The following GABRB1 variants were observed in gnomAD, a reference collection of about 807,000 sequenced individuals.
GABRB1 encodes the protein gamma-aminobutyric acid type A receptor subunit beta1.
Under a neutral mutation model 51.6 loss-of-function variants are expected in GABRB1, and 17 were observed. The ratio of observed to expected loss-of-function variants is 0.33; its 90% CI spans 0.23 to 0.49. GABRB1 has a LOEUF of 0.49. Ranked by LOEUF, GABRB1 falls within the 20% of genes least tolerant of loss-of-function variation. The pLI, the probability that GABRB1 is intolerant of heterozygous loss-of-function variation, is 0.99. For missense variants in GABRB1, 410 were observed against 600.6 expected, an observed-to-expected ratio of 0.68 and a Z score of 3.32; for synonymous variants, 247 against 218.9, an observed-to-expected ratio of 1.13 and a Z score of -1.14.
At chr4:47,401,074 G>A (rs542986279) in intron 5 of GABRB1, among the ~76,000 whole-genome samples, 42 of 151,918 alleles carry the variant, frequency 2.8e-4, no homozygotes, top group Admixed American at 2.4e-3. Flanking sequence ...TATATGCCAC[G>A]TTTTTCTTTT....
At chr4:47,425,130 G>A (rs1729225466) in intron 8 of GABRB1, among the ~76,000 whole-genome samples, 1 of 151,998 alleles carries the variant, frequency 6.6e-6, no homozygotes, top group Non-Finnish European at 1.5e-5. Flanking sequence ...TATTAATAAA[G>A]CGTGTCACAG....
intron 4 of GABRB1, among the ~76,000 whole-genome samples, chr4:47,198,134 T>A (rs960538060): frequency 5.3e-5 from 8 of 152,064 alleles, no homozygotes; most frequent in African/African-American, 1.4e-4. Flanking sequence ...AAACTGCAGG[T>A]TTCAGAGCAT....
intron 4 of GABRB1, among the ~76,000 whole-genome samples, chr4:47,297,563 G>A (rs181096218): frequency 1.1e-3 from 163 of 152,128 alleles, no homozygotes; most frequent in African/African-American, 3.5e-3. Context: ...ACCAGGAAGA[G>A]GTTGAATCTC....
At chr4:47,202,261 C>T (rs531199990) in intron 4 of GABRB1, among the ~76,000 whole-genome samples, 1 of 152,270 alleles carries the variant, frequency 6.6e-6, no homozygotes, top group African/African-American at 2.4e-5. Flanking sequence ...TCCATCCTGC[C>T]ACCTTGTGAA....
chr4:47,117,900 T>C (rs1320622760), intron 3 of GABRB1, among the ~76,000 whole-genome samples: 1 of 152,212 alleles, frequency 6.6e-6, no homozygotes, highest in Non-Finnish European at 1.5e-5. Context: ...AATCAGTGAA[T>C]GGTCACTATT....
chr4:47,038,402 G>T (rs754583963), intron 3 of GABRB1, among the ~76,000 whole-genome samples: 2 of 152,174 alleles, frequency 1.3e-5, no homozygotes, highest in African/African-American at 4.8e-5. Context: ...GGTTTATATT[G>T]TATTGAACAT....
chr4:47,128,917 T>C (rs1214270831), intron 3 of GABRB1, among the ~76,000 whole-genome samples: 1 of 152,092 alleles, frequency 6.6e-6, no homozygotes. Context: ...TACAAAACCG[T>C]ACATTGTTGA....
intron 4 of GABRB1, among the ~76,000 whole-genome samples, chr4:47,251,253 C>A (rs555210788): frequency 1.3e-5 from 2 of 152,132 alleles, no homozygotes; most frequent in Non-Finnish European, 2.9e-5. Context: ...TACCAGGCTC[C>A]GGGCTGGTAC....
intron 5 of GABRB1, among the ~76,000 whole-genome samples, chr4:47,358,727 C>A (rs940012066): frequency 6.6e-6 from 1 of 152,156 alleles, no homozygotes; most frequent in Non-Finnish European, 1.5e-5. Context: ...AGAACTCCAA[C>A]ATATGAATTT....
chr4:47,040,061 A>ACC (rs1251430943), intron 3 of GABRB1, among the ~76,000 whole-genome samples: 1 of 152,124 alleles, frequency 6.6e-6, no homozygotes, highest in Non-Finnish European at 1.5e-5. Context: ...TCTTTTATAT[A>ACC]CCCCTTTGAA....
chr4:47,028,759 C>T (rs1725182978), upstream of GABRB1, among the ~76,000 whole-genome samples: 1 of 149,312 alleles, frequency 6.7e-6, no homozygotes, highest in Non-Finnish European at 1.5e-5. Flanking sequence ...AACACACACC[C>T]CGACACATAC....
At chr4:47,352,287 T>C (rs1341960205) in intron 5 of GABRB1, among the ~76,000 whole-genome samples, 2 of 152,176 alleles carry the variant, frequency 1.3e-5, no homozygotes, top group East Asian at 1.9e-4. Context: ...GCTTACCAAC[T>C]AAAAAGAGTC....
intron 5 of GABRB1, among the ~76,000 whole-genome samples, chr4:47,391,058 C>T (rs1039493888): frequency 6.6e-6 from 1 of 152,086 alleles, no homozygotes; most frequent in Admixed American, 6.6e-5. Flanking sequence ...TGCCTGTAAT[C>T]CCAGCTACTC....
chr4:47,332,724 TG>T (rs1379874601), intron 5 of GABRB1, among the ~76,000 whole-genome samples: 2 of 151,944 alleles, frequency 1.3e-5, no homozygotes, highest in African/African-American at 4.8e-5. Context: ...TGCCATGCAT[TG>T]TTTTTTTTTC....
chr4:47,162,325 T>A (rs1193019475), intron 4 of GABRB1, among the ~76,000 whole-genome samples: 1 of 152,064 alleles, frequency 6.6e-6, no homozygotes, highest in Non-Finnish European at 1.5e-5. Context: ...AAGGGATGAA[T>A]TACCCTTCTG....
chr4:47,060,890 T>C (rs1726821044), intron 3 of GABRB1, among the ~76,000 whole-genome samples: 2 of 152,204 alleles, frequency 1.3e-5, no homozygotes, highest in African/African-American at 2.4e-5. Context: ...ATTATACTAT[T>C]ATTCATTTTA....
chr4:47,212,004 C>G lies in GABRB1; in HGVS notation c.461+50535C>G, dbSNP rs186121488. Among the ~76,000 whole-genome samples the G allele has an allele frequency of 7.6e-4, 115 of 152,242 alleles. 1 individual carries two copies. Among genetic ancestry groups the G allele is most frequent in the African/African-American group, 2.3e-3 (95 of 41,556 alleles). On this transcript the variant is annotated intron_variant, in intron 4 of 8. Coordinates refer to ENST00000295454, the MANE Select transcript of GABRB1 (RefSeq NM_000812.4). ...AAGTTCCTTTTTTCATATAAGGTAA[C>G]ATTCACAGGTTCTGAGGATTAGGAC...
At chr4:47,189,256 T>C (rs752287803) in intron 4 of GABRB1, among the ~76,000 whole-genome samples, 5 of 151,840 alleles carry the variant, frequency 3.3e-5, no homozygotes, top group Non-Finnish European at 7.4e-5. Context: ...GAGAGTACCA[T>C]GCATGGGTTA....
chr4:47,048,812 A>G (rs948513686), intron 3 of GABRB1, among the ~76,000 whole-genome samples: 1 of 152,032 alleles, frequency 6.6e-6, no homozygotes, highest in Non-Finnish European at 1.5e-5. Flanking sequence ...CCCCTTTCTC[A>G]TTTTATCCAA....
Sources: allele counts gnomAD v4.1 joint callset (sites outside exome capture counted in the v4.1 genomes callset), GRCh38; gene constraint gnomAD v4.1.1; transcripts MANE v1.5; gene names NCBI Gene and HGNC (gene_info 2026-07-23, HGNC 2026-07-21).